The following SLC25A6 variants were observed in gnomAD, a reference collection of about 807,000 sequenced individuals.
The protein encoded by SLC25A6 is solute carrier family 25 member 6.
SLC25A6 carries 9 observed loss-of-function variants against 25.7 expected under a neutral mutation model. That is an observed-to-expected ratio of 0.35 (90% CI 0.21 to 0.61). The LOEUF (loss-of-function observed/expected upper bound fraction) is 0.61, where lower values mean the gene tolerates loss of function less well. Ranked by LOEUF, SLC25A6 falls within the 20% of genes least tolerant of loss-of-function variation. The pLI is 0.76. For missense variants in SLC25A6, 404 were observed against 440.5 expected, an observed-to-expected ratio of 0.92 and a Z score of 0.74; for synonymous variants, 223 against 197.0, an observed-to-expected ratio of 1.13 and a Z score of -1.11.
intron 1 of SLC25A6, among the ~76,000 whole-genome samples, chrX:1,391,464 G>GCC (rs1246267847): frequency 6.6e-6 from 1 of 152,206 alleles, no homozygotes. Flanking sequence ...GTTATTCCAG[G>GCC]ACACCTGCGG....
At chrX:1,389,141 C>T in intron 2 of SLC25A6, 100 bp downstream of exon 2, 1 of 1,374,486 alleles carries the variant, frequency 7.3e-7, no homozygotes, top group Non-Finnish European at 9.9e-7. Flanking sequence ...GGAACCAGCC[C>T]TGCCCACACC....
Position 1,389,283 on chromosome X carries a change from T to C in SLC25A6, c.556A>G (p.Ile186Val). 3.1e-6 allele frequency: 5 copies of C among 1,613,788 alleles called. No homozygotes were observed. The South Asian group carries it at 5.5e-5, about 18-fold the overall frequency. The part of the protein sequence containing the change: ...GFSVSVQGII[I>V]YRAAYFGVYD... ...ACGCCGAAGTAGGCCGCCCGGTAGA[T>C]GATGATGCCCTGCACGGAGACACTG... The change falls in exon 2 of 4, where the codon ATC becomes GTC. Residue 186 changes from isoleucine to valine, a missense_variant. Physicochemically the swap from Ile to Val is conservative, Grantham distance 29. Transcript: ENST00000381401.
intron 1 of SLC25A6, among the ~76,000 whole-genome samples, chrX:1,391,652 G>A (rs1429174438): frequency 1.3e-5 from 2 of 152,250 alleles, no homozygotes; most frequent in East Asian, 1.9e-4. Context: ...CAGCGCGCAT[G>A]CGCCCTCCAA....
In SLC25A6 at chrX:1,390,700, A is replaced by G. The variant is rs1177423444; in HGVS notation, c.112-973T>C. Among the ~76,000 whole-genome samples the G allele has an allele frequency of 2.3e-5, 3 of 130,184 alleles. No individual in the cohort carries two copies. The South Asian group carries it at 7.3e-4, about 32-fold the overall frequency. 85.4% of individuals were successfully genotyped at this position (130,184 alleles called of 152,430 possible). On this transcript the variant is annotated intron_variant, in intron 1 of 3. Transcript: ENST00000381401. ...CACCCCGCCCTGCTAAGTTTAAAAA[A>G]TTTTCTTAGAGACGGGGTCTTGCTA...
intron 1 of SLC25A6, 21 bp downstream of exon 1, chrX:1,391,878 C>G (rs1354722051): frequency 1.3e-6 from 2 of 1,560,220 alleles, no homozygotes; most frequent in African/African-American, 2.7e-5. Flanking sequence ...GTCCCCGGAG[C>G]GGCCGCGCCC....
chrX:1,390,059 T>C, intron 1 of SLC25A6: 1 of 415,570 alleles, frequency 2.4e-6, no homozygotes, highest in African/African-American at 2.0e-5. Flanking sequence ...TTACCCGGGT[T>C]TGAGTGTAGT....
chrX:1,391,771 G>A (rs1471626916), intron 1 of SLC25A6, 128 bp downstream of exon 1: 6 of 678,906 alleles, frequency 8.8e-6, no homozygotes, highest in Admixed American at 2.8e-5. Context: ...GGCGGCGCGT[G>A]GACAAAGCGA....
intron 2 of SLC25A6, among the ~76,000 whole-genome samples, chrX:1,388,009 T>C (rs753969578): frequency 2.0e-5 from 3 of 149,094 alleles, no homozygotes; most frequent in African/African-American, 7.5e-5. Flanking sequence ...GATGTCAGAC[T>C]TCCAGCCTCC....
At position 1,387,285 on chromosome X, in the gene SLC25A6, T is replaced by C. The variant is rs1331183670; in HGVS notation, c.733A>G (p.Lys245Glu). ...RRRMMMQSGR[K>E]GADIMYTGTV... ...CCCCCGCCCCCCCGAGTACCTCCTT[T>C]GCGCCCGGACTGCATCATCATGCGC... The change falls in exon 3 of 4, where the codon AAA (lysine) becomes GAA (glutamate). Residue 245 changes from lysine to glutamate, a missense_variant. By Grantham distance (56) the Lys-to-Glu change is moderately conservative. Transcript: ENST00000381401. 3 of 1,612,210 alleles carry C rather than the reference T, an allele frequency of 1.9e-6. No individual in the cohort carries two copies. Among genetic ancestry groups the C allele is most frequent in the Non-Finnish European group, 2.5e-6 (3 of 1,179,328 alleles).
intron 3 of SLC25A6, 127 bp from the exon 4 acceptor site, chrX:1,386,886 G>A (rs1323299668): frequency 1.2e-5 from 14 of 1,183,664 alleles, no homozygotes; most frequent in Non-Finnish European, 1.7e-5. Context: ...TCTGATTACA[G>A]GAGGGATACC....
chrX:1,386,484 C>T lies in SLC25A6; in HGVS notation c.*118G>A, dbSNP rs1331517142. The T allele has an allele frequency of 1.5e-5, 19 of 1,295,242 alleles. No individual in the cohort carries two copies. Among genetic ancestry groups the T allele is most frequent in the Middle Eastern group, 2.9e-4 (1 of 3,394 alleles). The allele number at this position is 1,295,242 out of a possible 1,614,324, so 80.2% of individuals were successfully genotyped here. A position where few individuals can be genotyped will look rare whatever the true frequency, so the allele number is the denominator to read the frequency against. On this transcript the variant is annotated 3_prime_UTR_variant, in exon 4 of 4. Transcript: ENST00000381401. ...TCCCCGGCCATCTACAGGCAGGATG[C>T]GGCTGGGAAAAAGACAACTGGAATT...
chrX:1,390,048 G>C (rs1462536779), intron 1 of SLC25A6: 1 of 435,282 alleles, frequency 2.3e-6, no homozygotes, highest in Non-Finnish European at 4.2e-6. Context: ...GTCTCATGCT[G>C]TTACCCGGGT....
At chrX:1,391,587 G>T (rs1482766525) in intron 1 of SLC25A6, among the ~76,000 whole-genome samples, 3 of 152,194 alleles carry the variant, frequency 2.0e-5, no homozygotes, top group African/African-American at 7.2e-5. Context: ...GGACCCGCAG[G>T]ATTGAGCTCA....
chrX:1,392,034 G>A lies in SLC25A6; in HGVS notation c.-25C>T, dbSNP rs745735173. 1.9e-6 allele frequency: 3 copies of A among 1,561,964 alleles called. No individual in the cohort carries two copies. Among genetic ancestry groups the A allele is most frequent in the Admixed American group, 1.7e-5 (1 of 57,218 alleles). On this transcript the variant is annotated 5_prime_UTR_variant, in exon 1 of 4. Transcript: ENST00000381401. ...TGGTGGCAGGGCGGGCAGCGGAACGGGAGGACAGCCGGAGAACGGGCGCGG... is the reference window on the plus strand; with the variant it reads ...TGGTGGCAGGGCGGGCAGCGGAACGAGAGGACAGCCGGAGAACGGGCGCGG...
chrX:1,386,776 A>G lies in SLC25A6; in HGVS notation c.740-17T>C, dbSNP rs1455030385. On this transcript the variant is annotated splice_polypyrimidine_tract_variant and intron_variant, in intron 3 of 3. Coordinates refer to ENST00000381401, the MANE Select transcript of SLC25A6 (RefSeq NM_001636.4). The stretch of plus-strand genomic sequence containing the variant: ...TGATGTCAGCTGCAACGACAGGGAG[A>G]CAGTGAGGGCCTCGCCGCCAAGCTC... 1 of 1,597,704 alleles carries G rather than the reference A, an allele frequency of 6.3e-7. No individual in the cohort carries two copies. The highest frequency in any genetic ancestry group is 8.5e-7 in the Non-Finnish European group (1 of 1,172,894).
intron 3 of SLC25A6, among the ~76,000 whole-genome samples, 156 bp downstream of exon 3, chrX:1,387,123 A>C (rs1203799044): frequency 1.3e-5 from 2 of 152,144 alleles, no homozygotes; most frequent in South Asian, 2.1e-4. Context: ...TCGTTCAGGA[A>C]AATCCTTCCA....
intron 2 of SLC25A6, among the ~76,000 whole-genome samples, chrX:1,388,718 G>C (rs1439164606): frequency 6.7e-6 from 1 of 149,564 alleles, no homozygotes; most frequent in African/African-American, 2.5e-5. Flanking sequence ...GACTGTGGGA[G>C]AATCAATGTC....
Position 1,387,320 on chromosome X carries a change from G to A in SLC25A6, c.698C>T (p.Thr233Met), listed in dbSNP as rs1185409348. 6 of 1,613,304 alleles carry A rather than the reference G, an allele frequency of 3.7e-6. No individual in the cohort carries two copies. The highest frequency in any genetic ancestry group is 5.1e-6 in the Non-Finnish European group (6 of 1,179,780). ...CTGCATCATCATGCGCCGCCGCACC[G>A]TGTCGAAGGGGTAGGACACCACGCC... ...VAGVVSYPFD[T>M]VRRRMMMQSG... is the part of the protein sequence containing the mutation. The change falls in exon 3 of 4, where the codon ACG becomes ATG. Residue 233 changes from threonine (T) to methionine (M), a missense_variant. Physicochemically the swap from Thr to Met is moderately conservative, Grantham distance 81 (BLOSUM62 -1). Coordinates refer to ENST00000381401, the MANE Select transcript of SLC25A6 (RefSeq NM_001636.4).
At chrX:1,390,159 C>T (rs1174686438) in intron 1 of SLC25A6, 16 of 214,018 alleles carry the variant, frequency 7.5e-5, no homozygotes, top group Admixed American at 5.2e-5. Flanking sequence ...TACAGATGCA[C>T]AACCATCAAG....
Sources: gnomAD v4.1 joint callset for allele counts (sites outside exome capture counted in the v4.1 genomes callset) on GRCh38, gnomAD v4.1.1 for gene constraint, MANE v1.5 for transcripts, NCBI Gene and HGNC (gene_info 2026-07-23, HGNC 2026-07-21) for gene names.